TDRD7: variants seen among roughly 807,000 people sequenced by gnomAD.
The protein encoded by TDRD7 is tudor domain-containing protein 7.
TDRD7 carries 47 observed loss-of-function variants against 109.8 expected under a neutral mutation model. The ratio of observed to expected loss-of-function variants is 0.43; its 90% CI spans 0.34 to 0.55. The LOEUF is 0.55. TDRD7 is among the 20% of genes least tolerant of loss of function. The pLI is 0.03. For missense variants in TDRD7, 1,164 were observed against 1,319.2 expected (o/e 0.88, Z 1.82); for synonymous variants, 424 against 457.3 (o/e 0.93, Z 0.93).
intron 15 of TDRD7, among the ~76,000 whole-genome samples, chr9:97,486,600 G>A (rs528359764): frequency 3.7e-4 from 57 of 152,004 alleles, no homozygotes; most frequent in Admixed American, 1.6e-3. Context: ...TGTCCCCAGC[G>A]TGCCTTCCTA....
chr9:97,459,980 C>G (rs1055676650), intron 6 of TDRD7, among the ~76,000 whole-genome samples, 198 bp from the exon 7 acceptor site: 2 of 152,074 alleles, frequency 1.3e-5, no homozygotes, highest in African/African-American at 4.8e-5. Context: ...TTTTATTTTC[C>G]TTTTTATTTC....
intron 2 of TDRD7, 50 bp from the exon 3 acceptor site, chr9:97,430,883 A>T: frequency 1.2e-6 from 2 of 1,612,634 alleles, no homozygotes; most frequent in Non-Finnish European, 1.7e-6. Context: ...CCTCTAGGCA[A>T]CACGGAATCT....
chr9:97,420,062 C>T (rs1235194323), intron 1 of TDRD7, among the ~76,000 whole-genome samples: 1 of 152,004 alleles, frequency 6.6e-6, no homozygotes, highest in African/African-American at 2.4e-5. Flanking sequence ...TACCTAAATA[C>T]TTGTACATGA....
intron 8 of TDRD7, among the ~76,000 whole-genome samples, chr9:97,469,792 A>G (rs1442130700): frequency 6.6e-6 from 1 of 152,158 alleles, no homozygotes. Context: ...TAAACTGAAG[A>G]TTCTATAAAT....
intron 15 of TDRD7, among the ~76,000 whole-genome samples, chr9:97,486,327 T>G (rs994782648): frequency 6.6e-6 from 1 of 152,238 alleles, no homozygotes; most frequent in Non-Finnish European, 1.5e-5. Flanking sequence ...TAAAGTGATC[T>G]TTCATTATTA....
chr9:97,468,592 C>T (rs548769215), intron 8 of TDRD7, among the ~76,000 whole-genome samples: 1 of 152,332 alleles, frequency 6.6e-6, no homozygotes, highest in East Asian at 1.9e-4. Flanking sequence ...AGTCTTGCTT[C>T]GCTTGAATTG....
chr9:97,487,129 G>T (rs367639337), intron 15 of TDRD7, 43 bp from the exon 16 acceptor site: 1 of 1,605,086 alleles, frequency 6.2e-7, no homozygotes, highest in Admixed American at 1.7e-5. Flanking sequence ...CAGGTACTGA[G>T]TTTATGTGTT....
chr9:97,421,134 CAAAA>C (rs556240135), intron 1 of TDRD7, among the ~76,000 whole-genome samples: 3 of 75,160 alleles, frequency 4.0e-5, no homozygotes, highest in Admixed American at 3.2e-4. Flanking sequence ...GACTCTGTCT[CAAAA>C]AAAAAAAAAA....
rs1046175340 is a variant in TDRD7 at position 97,444,186 on chromosome 9, G to A, written c.855+2311G>A. On this transcript the variant is annotated intron_variant, in intron 6 of 16. Coordinates refer to ENST00000355295, the MANE Select transcript of TDRD7 (RefSeq NM_014290.3). Reference sequence around the variant, plus strand: ...AGCACTTGAATTCATCTTTTATTGCGTTATTATATTCCGTCCAAGCAATGA... The same window carrying A: ...AGCACTTGAATTCATCTTTTATTGCATTATTATATTCCGTCCAAGCAATGA... 5.3e-5 allele frequency among the ~76,000 whole-genome samples: 8 copies of A among 151,960 alleles called. No individual in the cohort carries two copies. In the South Asian group the frequency reaches 6.2e-4, roughly 12 times the overall value.
Position 97,475,383 on chromosome 9 carries a change from C to T in TDRD7, c.2080C>T (p.His694Tyr). ...AGTATCATGCATTTCTGTTTTGCAG[C>T]ACATGACCTCTGAGTGCTTTGTTTC... is the stretch of plus-strand genomic sequence containing the variant. ...RKIEDYFHCK[H>Y]MTSECFVSLP... The change falls in exon 12 of 17, where the codon CAC becomes TAC. Residue 694 changes from histidine (H) to tyrosine (Y), a missense_variant and splice_region_variant. Physicochemically the swap from His to Tyr is moderately conservative, Grantham distance 83. Around this residue, in one of 5 missense-constraint regions of TDRD7, gnomAD observed 261 missense variants for 336.2 expected, o/e 0.78. Coordinates refer to ENST00000355295, the MANE Select transcript of TDRD7 (RefSeq NM_014290.3). 6.2e-7 allele frequency: 1 copy of T among 1,612,134 alleles called. No individual in the cohort carries two copies. Among genetic ancestry groups the T allele is most frequent in the Non-Finnish European group, 8.5e-7 (1 of 1,178,378 alleles).
intron 6 of TDRD7, among the ~76,000 whole-genome samples, chr9:97,443,257 CGAT>C: frequency 6.6e-6 from 1 of 151,844 alleles, no homozygotes; most frequent in South Asian, 2.1e-4. Flanking sequence ...AGAACAAAGA[CGAT>C]GAAGACACTT....
At chr9:97,485,978 G>A (rs1255505154) in intron 15 of TDRD7, among the ~76,000 whole-genome samples, 1 of 152,190 alleles carries the variant, frequency 6.6e-6, no homozygotes, top group Non-Finnish European at 1.5e-5. Context: ...TTACAGTGTT[G>A]AAAGCTGACC....
chr9:97,487,976 A>G (rs1296496812), intron 16 of TDRD7, among the ~76,000 whole-genome samples: 1 of 152,222 alleles, frequency 6.6e-6, no homozygotes, highest in African/African-American at 2.4e-5. Flanking sequence ...CACAACTAAC[A>G]GCATACAAGG....
chr9:97,421,489 C>T (rs953129676), intron 1 of TDRD7, among the ~76,000 whole-genome samples: 3 of 152,204 alleles, frequency 2.0e-5, no homozygotes, highest in Admixed American at 1.3e-4. Context: ...TTTACCACGT[C>T]TGTTATGAAA....
chr9:97,428,842 G>A (rs2118283445), intron 2 of TDRD7, among the ~76,000 whole-genome samples, 170 bp downstream of exon 2: 1 of 152,296 alleles, frequency 6.6e-6, no homozygotes, highest in East Asian at 1.9e-4. Context: ...ACATTCTTAT[G>A]TCTTTTTCTT....
chr9:97,475,151 A>G (rs868612862), intron 11 of TDRD7, among the ~76,000 whole-genome samples: 1 of 152,306 alleles, frequency 6.6e-6, no homozygotes, highest in Middle Eastern at 3.4e-3. Context: ...CATGTTAACA[A>G]TGCTGATTTA....
In TDRD7 at chr9:97,465,156, A is replaced by G. The variant is rs1465544956; in HGVS notation, c.1629+128A>G. ...ATAATTAAATGTAGTTTTCAATGGA[A>G]GTTGAAAAGATAATATCTGTAAAAG... is the stretch of plus-strand genomic sequence containing the variant. On this transcript the variant is annotated intron_variant, in intron 8 of 16. Coordinates refer to ENST00000355295, the MANE Select transcript of TDRD7 (RefSeq NM_014290.3). 11 of 1,179,418 alleles carry G rather than the reference A, an allele frequency of 9.3e-6. No individual in the cohort carries two copies. In the African/African-American group the frequency reaches 1.1e-4, roughly 12 times the overall value. The allele number at this position is 1,179,418 out of a possible 1,614,324, so 73.1% of individuals were successfully genotyped here. A position where few individuals can be genotyped will look rare whatever the true frequency, so the allele number is the denominator to read the frequency against.
intron 14 of TDRD7, among the ~76,000 whole-genome samples, chr9:97,481,913 T>C (rs1400707569): frequency 2.0e-5 from 3 of 152,190 alleles, no homozygotes; most frequent in Admixed American, 6.5e-5. Flanking sequence ...TTTAAGTAAA[T>C]CACTGTAGAT....
At chr9:97,441,433 CT>C (rs1828302679) in intron 5 of TDRD7, among the ~76,000 whole-genome samples, 1 of 152,070 alleles carries the variant, frequency 6.6e-6, no homozygotes, top group African/African-American at 2.4e-5. Context: ...TAGGTTCCCT[CT>C]TTGGGTGTTT....
Sources: gnomAD v4.1 joint callset for allele counts (sites outside exome capture counted in the v4.1 genomes callset) on GRCh38, gnomAD v4.1.1 for gene constraint, gnomAD v4.1.1 regional missense constraint, MANE v1.5 for transcripts, NCBI Gene and HGNC (gene_info 2026-07-23, HGNC 2026-07-21) for gene names.